MYRIP: variants seen among roughly 807,000 people sequenced by gnomAD.
The protein encoded by MYRIP is rab effector MyRIP.
Under a neutral mutation model 98.0 loss-of-function variants are expected in MYRIP, and 49 were observed. The ratio of observed to expected loss-of-function variants is 0.50; its 90% confidence interval spans 0.40 to 0.63. The LOEUF (loss-of-function observed/expected upper bound fraction) is 0.63, where lower values mean the gene tolerates loss of function less well. Among genes scored for constraint, MYRIP ranks in the 30% least tolerant of loss-of-function variants. The probability of loss-of-function intolerance (pLI) is 0.00; values close to 1 mark genes in which losing one functional copy is unlikely to be tolerated. For synonymous variants in MYRIP, 404 were observed against 409.5 expected (o/e 0.99, Z 0.16); for missense variants, 1,004 against 1,058.2 (o/e 0.95, Z 0.71).
At chr3:40,158,608 C>T (rs1950301174) in intron 4 of MYRIP, among the ~76,000 whole-genome samples, 1 of 151,982 alleles carries the variant, frequency 6.6e-6, no homozygotes, top group African/African-American at 2.4e-5. Flanking sequence ...TTAAAGTCTC[C>T]CATTATTATT....
At chr3:39,922,967 A>AAAT (rs74279287) in intron 2 of MYRIP, among the ~76,000 whole-genome samples, 56,043 of 151,574 alleles carry the variant, frequency 0.37, 10,634 homozygotes, top group East Asian at 0.45. Flanking sequence ...TACTAGAAAC[A>AAAT]AATAATAATA....
chr3:39,917,754 C>T (rs1462858154), intron 2 of MYRIP, among the ~76,000 whole-genome samples: 1 of 151,672 alleles, frequency 6.6e-6, no homozygotes, highest in African/African-American at 2.4e-5. Flanking sequence ...ACATCTGTAG[C>T]ATAAAATGCT....
intron 1 of MYRIP, among the ~76,000 whole-genome samples, chr3:39,854,772 T>C (rs755128202): frequency 1.7e-4 from 26 of 152,202 alleles, no homozygotes; most frequent in Non-Finnish European, 2.6e-4. Flanking sequence ...GGTAGACTAT[T>C]TCAGTGGAGA....
chr3:39,837,877 C>T (rs1941676447), intron 1 of MYRIP, among the ~76,000 whole-genome samples: 1 of 152,146 alleles, frequency 6.6e-6, no homozygotes. Flanking sequence ...TTGTTCGTGT[C>T]CTCTCTTATT....
chr3:40,044,088 G>A lies in MYRIP; in HGVS notation c.149G>A (p.Cys50Tyr). ...KQKLDEEGSK[C>Y]SILSKHQQFV... ...AAGCTGGATGAGGAAGGCAGCAAGT[G>A]CAGCATCCTCTCGAAGCACCAGCAG... The change falls in exon 3 of 17, where the codon TGC becomes TAC. Residue 50 changes from cysteine (C) to tyrosine (Y), a missense_variant. Around this residue, in one of 3 missense-constraint regions of MYRIP, gnomAD observed 880 missense variants for 907.7 expected, o/e 0.97. Transcript: ENST00000302541. 4 of 1,614,092 alleles carry A rather than the reference G, an allele frequency of 2.5e-6. No individual in the cohort carries two copies. Among genetic ancestry groups the A allele is most frequent in the Non-Finnish European group, 3.4e-6 (4 of 1,179,998 alleles).
Position 39,811,244 on chromosome 3 carries a change from C to T in MYRIP, c.-31+1328C>T, listed in dbSNP as rs141722348. Among the ~76,000 whole-genome samples the T allele has an allele frequency of 2.4e-3, 367 of 152,272 alleles. 3 individuals are homozygous for T. The highest frequency in any genetic ancestry group is 8.4e-3 in the African/African-American group (347 of 41,550). ...AGATCAATACTTAGTTTTGTGATGA[C>T]TGACCAGCATCTTTGAACCTGAACT... On this transcript the variant is annotated intron_variant, in intron 1 of 16. Transcript: ENST00000302541.
chr3:39,951,367 T>C lies in MYRIP; in HGVS notation c.110+50441T>C, dbSNP rs539367912. On this transcript the variant is annotated intron_variant, in intron 2 of 16. Coordinates refer to ENST00000302541, the MANE Select transcript of MYRIP (RefSeq NM_015460.4). Reference sequence around the variant, plus strand: ...GGGGAAGGAGATTGGTGGAATTCAGTTGGGAGTATTTTTTTCAAGCTTCCA... The same window carrying C: ...GGGGAAGGAGATTGGTGGAATTCAGCTGGGAGTATTTTTTTCAAGCTTCCA... 2.0e-5 allele frequency among the ~76,000 whole-genome samples: 3 copies of C among 152,020 alleles called. No homozygotes were observed. In the South Asian group the frequency reaches 6.2e-4, roughly 32 times the overall value.
chr3:40,099,384 T>G (rs1948896598), intron 3 of MYRIP, among the ~76,000 whole-genome samples: 1 of 152,206 alleles, frequency 6.6e-6, no homozygotes, highest in Admixed American at 6.6e-5. Flanking sequence ...GCATGATGTC[T>G]TTAGGTCCTT....
intron 1 of MYRIP, among the ~76,000 whole-genome samples, chr3:39,896,289 G>A (rs975846724): frequency 6.6e-6 from 1 of 152,150 alleles, no homozygotes; most frequent in Non-Finnish European, 1.5e-5. Flanking sequence ...AGTCAGCTGT[G>A]CCCCAGTGGT....
chr3:40,146,506 G>A (rs1950013241), intron 3 of MYRIP, among the ~76,000 whole-genome samples: 1 of 152,196 alleles, frequency 6.6e-6, no homozygotes, highest in African/African-American at 2.4e-5. Flanking sequence ...CACCATCACT[G>A]TTTCCTGGCC....
intron 4 of MYRIP, among the ~76,000 whole-genome samples, chr3:40,161,230 A>G (rs941996437): frequency 6.6e-6 from 1 of 152,194 alleles, no homozygotes; most frequent in Admixed American, 6.5e-5. Context: ...TGCCCTTGAA[A>G]AAACATCACA....
At chr3:39,923,845 G>T (rs941197574) in intron 2 of MYRIP, among the ~76,000 whole-genome samples, 9 of 152,016 alleles carry the variant, frequency 5.9e-5, no homozygotes, top group African/African-American at 2.2e-4. Context: ...CAATTATATT[G>T]TGAATGGGGT....
chr3:39,996,526 C>T lies in MYRIP; in HGVS notation c.111-47524C>T, dbSNP rs189570285. Among the ~76,000 whole-genome samples, 1,453 of 152,288 alleles carry T rather than the reference C, an allele frequency of 9.5e-3. 18 individuals carry two copies. The highest frequency in any genetic ancestry group is 0.027 in the Admixed American group (414 of 15,302). On this transcript the variant is annotated intron_variant, in intron 2 of 16. Coordinates refer to ENST00000302541, the MANE Select transcript of MYRIP (RefSeq NM_015460.4). ...CACCCAATACAGGAGCACCCAGATT[C>T]ATAAAGCAAGTCCTTAGAGACCTAC...
intron 10 of MYRIP, among the ~76,000 whole-genome samples, chr3:40,201,699 G>A (rs1878916): frequency 0.95 from 144,022 of 152,242 alleles, 68,284 homozygotes; most frequent in Middle Eastern, 0.98. Context: ...TAATTTCTAT[G>A]AGATTCCAGA....
intron 2 of MYRIP, among the ~76,000 whole-genome samples, chr3:40,033,075 T>C (rs1309480585): frequency 6.6e-6 from 1 of 150,748 alleles, no homozygotes; most frequent in Non-Finnish European, 1.5e-5. Context: ...TATCTCAAAA[T>C]AATAAGAGCT....
At chr3:40,224,789 T>C (rs1952442056) in intron 11 of MYRIP, among the ~76,000 whole-genome samples, 1 of 152,238 alleles carries the variant, frequency 6.6e-6, no homozygotes, top group Non-Finnish European at 1.5e-5. Context: ...CTAATCTCTG[T>C]TATGTGTAAA....
At chr3:39,816,078 C>CTTTTTTT (rs11382431) in intron 1 of MYRIP, among the ~76,000 whole-genome samples, 2 of 143,222 alleles carry the variant, frequency 1.4e-5, no homozygotes, top group Non-Finnish European at 1.5e-5. Flanking sequence ...TTCTTTTTTT[C>CTTTTTTT]TTTTTTTTTT....
intron 9 of MYRIP, among the ~76,000 whole-genome samples, chr3:40,185,413 G>T (rs925985341): frequency 6.6e-6 from 1 of 152,200 alleles, no homozygotes; most frequent in Non-Finnish European, 1.5e-5. Context: ...CACTCAGTGA[G>T]AGTTAGTTGT....
chr3:40,078,074 G>C (rs1366650235), intron 3 of MYRIP, among the ~76,000 whole-genome samples: 1 of 152,236 alleles, frequency 6.6e-6, no homozygotes. Context: ...CCTGCCCCGC[G>C]GGAAGGCAGC....
Sources: gnomAD v4.1 joint callset for allele counts (sites outside exome capture counted in the v4.1 genomes callset) on GRCh38, gnomAD v4.1.1 for gene constraint, gnomAD v4.1.1 regional missense constraint, MANE v1.5 for transcripts, NCBI Gene and HGNC (gene_info 2026-07-23, HGNC 2026-07-21) for gene names.